GRID1: variants seen among roughly 807,000 people sequenced by gnomAD.
GRID1 encodes glutamate ionotropic receptor delta type subunit 1, also known as glutamate receptor ionotropic, delta-1.
Under a neutral mutation model 98.0 loss-of-function variants are expected in GRID1, and 28 were observed. The observed-to-expected ratio is 0.29, with a 90% CI of 0.21 to 0.39. The LOEUF (loss-of-function observed/expected upper bound fraction) is 0.39. Among genes scored for constraint, GRID1 ranks in the 10% least tolerant of loss-of-function variants. GRID1 has a pLI of 1.00. For synonymous variants in GRID1, 553 were observed against 538.5 expected, an observed-to-expected ratio of 1.03 and a Z score of -0.37; for missense variants, 1,111 against 1,340.5, an observed-to-expected ratio of 0.83 and a Z score of 2.67.
At chr10:85,861,774 A>G (rs1843165918) in intron 6 of GRID1, among the ~76,000 whole-genome samples, 1 of 152,228 alleles carries the variant, frequency 6.6e-6, no homozygotes, top group Admixed American at 6.5e-5. Context: ...CATGGAAGGC[A>G]TGTGCTCTGC....
chr10:86,033,772 C>A (rs1411000415), intron 4 of GRID1, among the ~76,000 whole-genome samples: 1 of 152,234 alleles, frequency 6.6e-6, no homozygotes, highest in African/African-American at 2.4e-5. Flanking sequence ...ACTAGGGGTC[C>A]TAACAAGATG....
At chr10:86,015,754 G>C (rs946193899) in intron 4 of GRID1, among the ~76,000 whole-genome samples, 3 of 152,180 alleles carry the variant, frequency 2.0e-5, no homozygotes, top group Non-Finnish European at 4.4e-5. Flanking sequence ...TTAACAATCC[G>C]TCATTTTAGC....
intron 4 of GRID1, among the ~76,000 whole-genome samples, chr10:86,051,930 T>C (rs548854105): frequency 1.8e-4 from 28 of 152,326 alleles, no homozygotes; most frequent in African/African-American, 6.5e-4. Flanking sequence ...GCAATTCCAT[T>C]TTTATGTATT....
At chr10:85,997,332 G>C (rs1363383996) in intron 4 of GRID1, among the ~76,000 whole-genome samples, 3 of 151,940 alleles carry the variant, frequency 2.0e-5, no homozygotes, top group African/African-American at 4.8e-5. Flanking sequence ...CTGGGAGGTG[G>C]AGGTTGCAGT....
At chr10:85,746,060 T>C (rs57741974) in intron 8 of GRID1, among the ~76,000 whole-genome samples, 3,814 of 152,276 alleles carry the variant, frequency 0.025, 153 homozygotes, top group African/African-American at 0.087. Flanking sequence ...GTAATCCTTA[T>C]TGCAGTTATC....
intron 12 of GRID1, chr10:85,709,177 G>T: frequency 3.4e-6 from 1 of 295,026 alleles, no homozygotes; most frequent in Non-Finnish European, 6.8e-6. Flanking sequence ...CCGAGGCTGG[G>T]CTTATGCCCT....
chr10:86,330,170 G>A (rs1848119016), intron 2 of GRID1, among the ~76,000 whole-genome samples: 1 of 151,958 alleles, frequency 6.6e-6, no homozygotes, highest in South Asian at 2.1e-4. Context: ...CCCCGGGGAG[G>A]GCCTCAGCCC....
At position 85,772,397 on chromosome 10, in the gene GRID1, G is replaced by A. The variant is rs11498993; in HGVS notation, c.1234-42783C>T. ...AAAGATCCAAAATTGACACCCTAAT[G>A]TCACAATTAAAAGAACTAGAAAAGC... On this transcript the variant is annotated intron_variant, in intron 8 of 15. Coordinates refer to ENST00000327946, the MANE Select transcript of GRID1 (RefSeq NM_017551.3). 7.4e-3 allele frequency among the ~76,000 whole-genome samples: 1,066 copies of A among 143,208 alleles called. 17 individuals are homozygous for A. Among genetic ancestry groups the A allele is most frequent in the Admixed American group, 0.019 (257 of 13,638 alleles). 94.0% of individuals were successfully genotyped at this position (143,208 alleles called of 152,430 possible).
At chr10:85,937,618 T>A (rs1271224262) in intron 4 of GRID1, among the ~76,000 whole-genome samples, 2 of 152,206 alleles carry the variant, frequency 1.3e-5, no homozygotes, top group Non-Finnish European at 2.9e-5. Flanking sequence ...TGATAGGAGC[T>A]GAGTTTGATT....
chr10:86,282,216 G>A (rs564508914), intron 2 of GRID1, among the ~76,000 whole-genome samples: 1 of 152,322 alleles, frequency 6.6e-6, no homozygotes. Flanking sequence ...TGTTCAAGCA[G>A]TGCCCTCCTG....
chr10:85,699,388 T>G (rs1300866233), intron 12 of GRID1, among the ~76,000 whole-genome samples: 2 of 152,188 alleles, frequency 1.3e-5, no homozygotes, highest in African/African-American at 4.8e-5. Context: ...TTGTATATGT[T>G]GGATAACAGT....
rs143708237 is a variant in GRID1, at chr10:85,648,931, C to T, written c.1998-1534G>A. ...CAATTGCCTACCTTGCCTGTCTGTC[C>T]CCCACAACCAACACTGTGGTCCAGA... On this transcript the variant is annotated intron_variant, in intron 12 of 15. Transcript: ENST00000327946. 9.5e-3 allele frequency among the ~76,000 whole-genome samples: 1,451 copies of T among 152,312 alleles called. 13 individuals are homozygous for T. The highest frequency in any genetic ancestry group is 0.016 in the Non-Finnish European group (1,094 of 68,028).
Position 86,064,783 on chromosome 10 carries a change from T to C in GRID1, c.726+74036A>G, listed in dbSNP as rs1843696557. 2.0e-5 allele frequency among the ~76,000 whole-genome samples: 3 copies of C among 152,180 alleles called. No homozygotes were observed. In the South Asian group the frequency reaches 6.2e-4, roughly 32 times the overall value. ...ATCTTATTCCAGGCATTTGCACCTG[T>C]GGATTCCTTTGCATAAAAGTCCTTT... is the stretch of plus-strand genomic sequence containing the variant. On this transcript the variant is annotated intron_variant, in intron 4 of 15. Coordinates refer to ENST00000327946, the MANE Select transcript of GRID1 (RefSeq NM_017551.3).
rs184593975 is a variant in GRID1, at chr10:85,950,436, T to C, written c.727-34197A>G. Among the ~76,000 whole-genome samples the C allele has an allele frequency of 5.3e-5, 8 of 152,232 alleles. No individual in the cohort carries two copies. The East Asian group carries it at 1.5e-3, about 29-fold the overall frequency. Reference sequence around the variant, plus strand: ...TCCCAGACTCTAGCCAAAGAGACTGTGAAATGTCCAAAGAAAAGCAAGATG... The same window carrying C: ...TCCCAGACTCTAGCCAAAGAGACTGCGAAATGTCCAAAGAAAAGCAAGATG... On this transcript the variant is annotated intron_variant, in intron 4 of 15. Coordinates refer to ENST00000327946, the MANE Select transcript of GRID1 (RefSeq NM_017551.3).
chr10:85,862,269 A>G (rs913949796), intron 6 of GRID1, among the ~76,000 whole-genome samples: 6 of 152,266 alleles, frequency 3.9e-5, no homozygotes, highest in Non-Finnish European at 8.8e-5. Context: ...TAACAAATGC[A>G]TAAATGGGTA....
intron 12 of GRID1, among the ~76,000 whole-genome samples, chr10:85,689,545 C>A (rs185269073): frequency 4.9e-4 from 74 of 151,510 alleles, no homozygotes; most frequent in Non-Finnish European, 8.4e-4. Flanking sequence ...TACATGCAAA[C>A]AACTATAGTA....
chr10:85,966,151 G>A (rs913259018), intron 4 of GRID1, among the ~76,000 whole-genome samples: 1 of 152,210 alleles, frequency 6.6e-6, no homozygotes, highest in Non-Finnish European at 1.5e-5. Context: ...CACTAGGTAG[G>A]AAAAGCCCTG....
intron 4 of GRID1, among the ~76,000 whole-genome samples, chr10:85,990,417 T>G (rs1842666116): frequency 6.6e-6 from 1 of 152,198 alleles, no homozygotes; most frequent in Non-Finnish European, 1.5e-5. Flanking sequence ...ATGATCTGCC[T>G]TCACACAGGA....
chr10:85,969,747 G>A (rs781391402), intron 4 of GRID1, among the ~76,000 whole-genome samples: 27 of 151,804 alleles, frequency 1.8e-4, no homozygotes, highest in Non-Finnish European at 3.5e-4. Context: ...GAGAAAGAAG[G>A]CCTCAAATCA....
Sources: allele counts gnomAD v4.1 joint callset (sites outside exome capture counted in the v4.1 genomes callset), GRCh38; gene constraint gnomAD v4.1.1; transcripts MANE v1.5; gene names NCBI Gene and HGNC (gene_info 2026-07-23, HGNC 2026-07-21).